The following MICAL2 variants were observed in gnomAD, a reference collection of about 807,000 sequenced individuals.
The protein encoded by MICAL2 is microtubule associated monooxygenase, calponin and LIM domain containing 2.
A neutral mutation model predicts 127.3 loss-of-function variants in MICAL2; 77 were observed. The ratio of observed to expected loss-of-function variants is 0.60; its 90% CI spans 0.50 to 0.73. MICAL2 has a LOEUF of 0.73. Ranked by LOEUF, MICAL2 falls within the 30% of genes least tolerant of loss-of-function variation. The pLI is 0.00. For missense variants in MICAL2, 1,351 were observed against 1,434.4 expected (o/e 0.94, Z 0.94); for synonymous variants, 570 against 551.1 (o/e 1.03, Z -0.48).
chr11:12,122,272 G>A (rs951919457), intron 1 of MICAL2, among the ~76,000 whole-genome samples: 11 of 152,204 alleles, frequency 7.2e-5, no homozygotes, highest in Admixed American at 6.5e-5. Flanking sequence ...GCACATAGTG[G>A]CCTGCAGGTG....
At chr11:12,159,205 G>C (rs1023917931) in intron 2 of MICAL2, among the ~76,000 whole-genome samples, 9 of 152,178 alleles carry the variant, frequency 5.9e-5, no homozygotes, top group African/African-American at 2.2e-4. Flanking sequence ...AGACGAAGTT[G>C]TTCATTCTTC....
rs1360319127 is a variant in MICAL2, at chr11:12,241,091, C to T, written c.2266C>T (p.Pro756Ser). 1 of 1,614,186 alleles carries T rather than the reference C, an allele frequency of 6.2e-7. No homozygotes were observed. The highest frequency in any genetic ancestry group is 8.5e-7 in the Non-Finnish European group (1 of 1,180,044). ...GCCGGTCCTGTGCTCTTCCTCCGGC[C>T]CTCCTGTTCACTCTTGCTGCCCCAA... ...GKPVLCSSSGPPVHSCCPKPE... is the reference protein window; with the variant it reads ...GKPVLCSSSGSPVHSCCPKPE... The change falls in exon 18 of 28, where the codon CCT (proline) becomes TCT (serine). Residue 756 changes from proline (P) to serine (S), a missense_variant. Physicochemically the swap from Pro to Ser is moderately conservative, Grantham distance 74. Around this residue, in one of 2 missense-constraint regions of MICAL2, gnomAD observed 752 missense variants for 719.4 expected, o/e 1.05. Coordinates refer to ENST00000683283, the MANE Select transcript of MICAL2 (RefSeq NM_001282663.2).
intron 3 of MICAL2, among the ~76,000 whole-genome samples, chr11:12,167,258 G>A (rs528996204): frequency 1.4e-4 from 21 of 152,304 alleles, no homozygotes; most frequent in African/African-American, 7.2e-5. Context: ...TCAGGCCAGC[G>A]TATGTAATGA....
intron 32 of MICAL2, among the ~76,000 whole-genome samples, chr11:12,335,831 G>C (rs1409792601): frequency 6.6e-6 from 1 of 152,214 alleles, no homozygotes; most frequent in Non-Finnish European, 1.5e-5. Context: ...TTTGGTACCA[G>C]TACCATGCTG....
chr11:12,350,636 G>C (rs937754041), intron 33 of MICAL2, among the ~76,000 whole-genome samples: 1 of 152,108 alleles, frequency 6.6e-6, no homozygotes, highest in Non-Finnish European at 1.5e-5. Flanking sequence ...TCCCTGCCTG[G>C]GTTCTGAGCC....
At chr11:12,268,545 G>C (rs988721007), downstream of MICAL2, among the ~76,000 whole-genome samples, 13 of 152,204 alleles carry the variant, frequency 8.5e-5, no homozygotes, top group African/African-American at 2.9e-4. Context: ...GGGCTGGAGG[G>C]TGCGGCCCCC....
At chr11:12,237,482 T>C (rs749686432) in intron 16 of MICAL2, among the ~76,000 whole-genome samples, 48 of 152,300 alleles carry the variant, frequency 3.2e-4, no homozygotes, top group Admixed American at 1.0e-3. Context: ...CTCCTGCCTA[T>C]TCCCAAGAAG....
In MICAL2 at chr11:12,258,898, G is replaced by C. The variant is rs541910654; in HGVS notation, c.3231+342G>C. On this transcript the variant is annotated intron_variant, in intron 25 of 27. Transcript: ENST00000683283. ...GTACCTGGAACCCACCTGGCCACAA[G>C]GTGCTGTTTGCAAGAATGCCTGGTA... 4.6e-5 allele frequency among the ~76,000 whole-genome samples: 7 copies of C among 152,324 alleles called. No individual in the cohort carries two copies. The East Asian group carries it at 1.4e-3, about 29-fold the overall frequency.
intron 2 of MICAL2, among the ~76,000 whole-genome samples, chr11:12,160,494 C>T (rs755443921): frequency 1.1e-4 from 16 of 152,314 alleles, no homozygotes; most frequent in South Asian, 6.2e-4. Context: ...ACATCCCCAC[C>T]GCACCTCCTC....
chr11:12,185,378 A>AT (rs1458722876), intron 3 of MICAL2, among the ~76,000 whole-genome samples: 2 of 152,134 alleles, frequency 1.3e-5, no homozygotes, highest in African/African-American at 4.8e-5. Context: ...GTGAAGACGT[A>AT]TACACATTGG....
chr11:12,213,521 T>C, intron 7 of MICAL2, 111 bp downstream of exon 7: 1 of 1,049,212 alleles, frequency 9.5e-7, no homozygotes, highest in Non-Finnish European at 1.4e-6. Context: ...AGGGACTCAC[T>C]CTGATAGAGT....
At chr11:12,144,591 A>G (rs1428970865) in intron 2 of MICAL2, among the ~76,000 whole-genome samples, 1 of 152,138 alleles carries the variant, frequency 6.6e-6, no homozygotes, top group African/African-American at 2.4e-5. Context: ...TTCTCAATGT[A>G]GTGAATTGCT....
chr11:12,165,819 C>T (rs1345193959), intron 3 of MICAL2, among the ~76,000 whole-genome samples: 1 of 152,210 alleles, frequency 6.6e-6, no homozygotes, highest in East Asian at 1.9e-4. Context: ...AGCAGAGTGG[C>T]CTGAGAGCTC....
chr11:12,231,618 C>T (rs966528587), intron 15 of MICAL2, among the ~76,000 whole-genome samples: 17 of 152,216 alleles, frequency 1.1e-4, no homozygotes, highest in African/African-American at 4.1e-4. Flanking sequence ...CAAGCGAGGA[C>T]CCTGCGTAGG....
At chr11:12,292,242 C>A (rs376468485), downstream of MICAL2, 5 of 1,614,106 alleles carry the variant, frequency 3.1e-6, no homozygotes, top group African/African-American at 1.3e-5. Context: ...TCCCCACCAT[C>A]TTCTTCTTCA....
chr11:12,326,697 C>CAGTT (rs1864356434), intron 31 of MICAL2, among the ~76,000 whole-genome samples: 1 of 152,214 alleles, frequency 6.6e-6, no homozygotes, highest in Non-Finnish European at 1.5e-5. Flanking sequence ...GGATCTGGCC[C>CAGTT]AGTTCTCTTG....
intron 32 of MICAL2, among the ~76,000 whole-genome samples, chr11:12,335,522 A>T (rs12292014): frequency 2.6e-5 from 4 of 151,436 alleles, no homozygotes; most frequent in African/African-American, 9.7e-5. Context: ...TCATGAAGTC[A>T]TTGCCCATGC....
intron 3 of MICAL2, among the ~76,000 whole-genome samples, chr11:12,186,352 C>T (rs1858277884): frequency 6.6e-6 from 1 of 152,006 alleles, no homozygotes; most frequent in Non-Finnish European, 1.5e-5. Flanking sequence ...AAAGTAGGTC[C>T]ATAAACTTGT....
At chr11:12,123,105 C>T (rs1288718793) in intron 1 of MICAL2, among the ~76,000 whole-genome samples, 1 of 152,066 alleles carries the variant, frequency 6.6e-6, no homozygotes, top group Non-Finnish European at 1.5e-5. Context: ...TTTCATGTAC[C>T]CTCAAGAAAG....
Sources: allele counts gnomAD v4.1 joint callset (sites outside exome capture counted in the v4.1 genomes callset), GRCh38; gene constraint gnomAD v4.1.1; regional missense constraint gnomAD v4.1.1; transcripts MANE v1.5; gene names NCBI Gene and HGNC (gene_info 2026-07-23, HGNC 2026-07-21).